The following POU6F2 variants were observed in gnomAD, a reference collection of about 807,000 sequenced individuals.
The protein encoded by POU6F2 is POU class 6 homeobox 2.
In POU6F2, 31 loss-of-function variants were observed where a neutral mutation model predicts 71.3. The ratio of observed to expected loss-of-function variants is 0.43; its 90% CI spans 0.33 to 0.59. The LOEUF (loss-of-function observed/expected upper bound fraction) is 0.59. POU6F2 is among the 20% of genes least tolerant of loss of function. The pLI is 0.04. For missense variants in POU6F2, 783 were observed against 856.8 expected (o/e 0.91, Z 1.07); for synonymous variants, 347 against 355.7 (o/e 0.98, Z 0.27).
chr7:39,408,978 A>G (rs1787493530), intron 6 of POU6F2, among the ~76,000 whole-genome samples: 2 of 152,202 alleles, frequency 1.3e-5, no homozygotes, highest in South Asian at 4.1e-4. Flanking sequence ...CAAAAGAGAT[A>G]GGCAAAAATT....
intron 2 of POU6F2, among the ~76,000 whole-genome samples, chr7:39,091,447 C>T (rs1051990981): frequency 1.2e-4 from 19 of 152,142 alleles, no homozygotes; most frequent in Non-Finnish European, 2.1e-4. Flanking sequence ...TTTTTCTCCC[C>T]TTTTATTTTG....
chr7:39,338,430 C>T (rs1187882594), intron 4 of POU6F2, among the ~76,000 whole-genome samples: 1 of 152,190 alleles, frequency 6.6e-6, no homozygotes. Context: ...CCTGGCTCTA[C>T]ACGCAAGGCA....
intron 1 of POU6F2, among the ~76,000 whole-genome samples, chr7:38,994,354 G>A (rs760466600): frequency 2.6e-4 from 40 of 152,094 alleles, no homozygotes; most frequent in Non-Finnish European, 4.3e-4. Context: ...GAGGGAGGCG[G>A]GAGAAACAGG....
At chr7:39,107,526 C>T (rs1239509087) in intron 2 of POU6F2, among the ~76,000 whole-genome samples, 1 of 151,994 alleles carries the variant, frequency 6.6e-6, no homozygotes, top group African/African-American at 2.4e-5. Context: ...TTTGTTTATA[C>T]GTGGCAGAAT....
intron 2 of POU6F2, among the ~76,000 whole-genome samples, chr7:39,136,820 C>A (rs1412852880): frequency 6.6e-6 from 1 of 150,808 alleles, no homozygotes; most frequent in Admixed American, 6.6e-5. Flanking sequence ...ATAGCAAGAT[C>A]CCATCTTAAA....
chr7:39,004,933 A>T (rs538626050), intron 1 of POU6F2: 1 of 152,294 alleles, frequency 6.6e-6, no homozygotes, highest in Admixed American at 6.5e-5. Flanking sequence ...CTCAGCACAT[A>T]TGATGTCTAA....
At chr7:39,255,075 TTGAGTA>T in intron 4 of POU6F2, among the ~76,000 whole-genome samples, 1 of 152,214 alleles carries the variant, frequency 6.6e-6, no homozygotes, top group Admixed American at 6.5e-5. Context: ...CTAGACAACT[TTGAGTA>T]TGACTATATC....
At chr7:39,017,638 C>T (rs1297771376) in intron 1 of POU6F2, among the ~76,000 whole-genome samples, 1 of 152,158 alleles carries the variant, frequency 6.6e-6, no homozygotes, top group Non-Finnish European at 1.5e-5. Flanking sequence ...CTACTACAAG[C>T]CCCCTTATCC....
chr7:39,254,591 C>T (rs891439515), intron 4 of POU6F2, among the ~76,000 whole-genome samples: 1 of 152,170 alleles, frequency 6.6e-6, no homozygotes, highest in East Asian at 1.9e-4. Context: ...CTTATCACAG[C>T]ATCTCATCCC....
At chr7:39,040,118 TTA>T (rs1386044168) in intron 1 of POU6F2, among the ~76,000 whole-genome samples, 2,377 of 88,924 alleles carry the variant, frequency 0.027, 187 homozygotes, top group African/African-American at 0.06. Context: ...TTATATACAT[TTA>T]TATATATATA....
At chr7:39,182,413 C>G (rs1335375012) in intron 2 of POU6F2, among the ~76,000 whole-genome samples, 1 of 152,138 alleles carries the variant, frequency 6.6e-6, no homozygotes, top group East Asian at 1.9e-4. Context: ...GCATCTCAGC[C>G]CTCACTGAAA....
chr7:39,331,426 C>T (rs1785646405), intron 4 of POU6F2, among the ~76,000 whole-genome samples: 3 of 152,186 alleles, frequency 2.0e-5, no homozygotes, highest in Admixed American at 2.0e-4. Context: ...ACGTCCTCAC[C>T]AATGCTTGTT....
chr7:39,370,061 A>G (rs10951602), intron 5 of POU6F2, among the ~76,000 whole-genome samples: 16,966 of 152,228 alleles, frequency 0.11, 1,199 homozygotes, highest in Non-Finnish European at 0.15. Flanking sequence ...TCACTAGTAA[A>G]CCAAAAAACA....
intron 2 of POU6F2, among the ~76,000 whole-genome samples, chr7:39,172,318 T>C (rs1397470319): frequency 6.6e-6 from 1 of 152,186 alleles, no homozygotes; most frequent in African/African-American, 2.4e-5. Context: ...AACCATTTCC[T>C]CCTATGAGTC....
chr7:39,308,180 C>T (rs977401395), intron 4 of POU6F2, among the ~76,000 whole-genome samples: 3 of 152,186 alleles, frequency 2.0e-5, no homozygotes, highest in Non-Finnish European at 2.9e-5. Flanking sequence ...CTGCAAACCA[C>T]GTAAAGACAT....
intron 4 of POU6F2, among the ~76,000 whole-genome samples, chr7:39,308,742 T>C (rs1785098183): frequency 6.6e-6 from 1 of 152,124 alleles, no homozygotes; most frequent in Non-Finnish European, 1.5e-5. Context: ...TGTATTCTGC[T>C]CCACTAAGCC....
At chr7:39,033,127 C>T (rs564960721) in intron 1 of POU6F2, among the ~76,000 whole-genome samples, 2 of 152,260 alleles carry the variant, frequency 1.3e-5, no homozygotes, top group East Asian at 3.9e-4. Context: ...CATATCACAC[C>T]CCAGGTGTTT....
intron 5 of POU6F2, among the ~76,000 whole-genome samples, chr7:39,368,823 T>C (rs770116868): frequency 1.3e-5 from 2 of 152,202 alleles, no homozygotes; most frequent in Non-Finnish European, 2.9e-5. Context: ...AAAGCCTGGA[T>C]GACAGCTCAT....
intron 5 of POU6F2, among the ~76,000 whole-genome samples, chr7:39,366,124 C>G (rs1029093073): frequency 6.6e-6 from 1 of 152,102 alleles, no homozygotes; most frequent in African/African-American, 2.4e-5. Flanking sequence ...GTAACAAACT[C>G]CAGTTGTTTC....
Sources: gnomAD v4.1 joint callset for allele counts (sites outside exome capture counted in the v4.1 genomes callset) on GRCh38, gnomAD v4.1.1 for gene constraint, MANE v1.5 for transcripts, NCBI Gene and HGNC (gene_info 2026-07-23, HGNC 2026-07-21) for gene names.